Variants in PHF14 observed in about 807,000 individuals in gnomAD.
PHF14 encodes PHD finger protein 14.
In PHF14, 55 loss-of-function variants were observed where a neutral mutation model predicts 117.9. The observed-to-expected ratio is 0.47, with a 90% CI of 0.38 to 0.58. PHF14 has a LOEUF of 0.58. PHF14 is among the 20% of genes least tolerant of loss of function. The pLI is 0.00. For missense variants in PHF14, 978 were observed against 1,122.2 expected (o/e 0.87, Z 1.84); for synonymous variants, 409 against 368.6 (o/e 1.11, Z -1.26).
chr7:11,148,440 T>A (rs1220108103), intron 17 of PHF14, among the ~76,000 whole-genome samples: 1 of 152,156 alleles, frequency 6.6e-6, no homozygotes, highest in Non-Finnish European at 1.5e-5. Flanking sequence ...AGTACATGAC[T>A]GTTTCCTTCA....
At chr7:11,100,913 C>A (rs552615190) in intron 16 of PHF14, among the ~76,000 whole-genome samples, 1 of 152,032 alleles carries the variant, frequency 6.6e-6, no homozygotes, top group African/African-American at 2.4e-5. Flanking sequence ...TCTTAACAGG[C>A]AATTCTAACT....
intron 2 of PHF14, among the ~76,000 whole-genome samples, chr7:10,982,169 A>C (rs112526356): frequency 1.4e-4 from 22 of 152,298 alleles, no homozygotes; most frequent in African/African-American, 5.1e-4. Flanking sequence ...TTAGCACTAT[A>C]CTGAACTAAA....
At chr7:11,082,367 A>C (rs1192605815) in intron 16 of PHF14, among the ~76,000 whole-genome samples, 1 of 152,206 alleles carries the variant, frequency 6.6e-6, no homozygotes, top group Non-Finnish European at 1.5e-5. Context: ...AGCAAACAAA[A>C]ACATCAATTT....
intron 16 of PHF14, among the ~76,000 whole-genome samples, chr7:11,075,564 G>GTTTTTTTTTT (rs3073111): frequency 2.7e-5 from 3 of 110,012 alleles, no homozygotes; most frequent in African/African-American, 3.3e-5. Context: ...AAGGAAAGAG[G>GTTTTTTTTTT]TTTTTTTTTT....
intron 16 of PHF14, chr7:11,107,054 G>A: frequency 1.0e-6 from 1 of 983,066 alleles, no homozygotes; most frequent in Non-Finnish European, 1.2e-6. Flanking sequence ...TGCATAGGAG[G>A]TGCACTTAAT....
Position 11,068,313 on chromosome 7 carries a change from G to A in PHF14, c.2654+6228G>A, listed in dbSNP as rs542888345. On this transcript the variant is annotated intron_variant, in intron 16 of 17. Coordinates refer to ENST00000634607, the MANE Select transcript of PHF14 (RefSeq NM_001007157.2). ...TGCAGTGAGCCAAGATCGCACCACTGCACTCCAGCCTGGGTGACAGAGCGA... is the reference window on the plus strand; with the variant it reads ...TGCAGTGAGCCAAGATCGCACCACTACACTCCAGCCTGGGTGACAGAGCGA... Among the ~76,000 whole-genome samples the A allele has an allele frequency of 1.3e-3, 170 of 127,082 alleles. 1 individual carries two copies. The South Asian group carries it at 0.027, about 20-fold the overall frequency. 83.4% of individuals were successfully genotyped at this position (127,082 alleles called of 152,430 possible).
At chr7:10,993,389 G>T (rs1418051599) in intron 4 of PHF14, among the ~76,000 whole-genome samples, 3 of 152,130 alleles carry the variant, frequency 2.0e-5, no homozygotes, top group African/African-American at 7.2e-5. Flanking sequence ...CTAATGCTCT[G>T]ATCTTCATGT....
At chr7:11,019,080 G>C (rs1340628049) in intron 5 of PHF14, among the ~76,000 whole-genome samples, 5 of 152,110 alleles carry the variant, frequency 3.3e-5, no homozygotes, top group Non-Finnish European at 7.4e-5. Context: ...GCAACCCAGG[G>C]ATAAATCCTA....
chr7:11,010,632 A>G (rs1783319407), intron 4 of PHF14, among the ~76,000 whole-genome samples: 1 of 152,076 alleles, frequency 6.6e-6, no homozygotes, highest in South Asian at 2.1e-4. Flanking sequence ...AAATCCATAT[A>G]TACATATATA....
At chr7:10,978,777 A>G (rs926222494) in intron 2 of PHF14, among the ~76,000 whole-genome samples, 7 of 152,010 alleles carry the variant, frequency 4.6e-5, no homozygotes, top group Non-Finnish European at 8.8e-5. Flanking sequence ...TGTGGCAACT[A>G]TTGTTTCCAG....
intron 2 of PHF14, among the ~76,000 whole-genome samples, chr7:10,977,103 T>C (rs1429262824): frequency 6.6e-6 from 1 of 152,046 alleles, no homozygotes; most frequent in Non-Finnish European, 1.5e-5. Flanking sequence ...TTGAATCTTT[T>C]CTGTGCCTGA....
intron 16 of PHF14, chr7:11,106,093 ACC>A: frequency 1.0e-6 from 1 of 983,888 alleles, no homozygotes; most frequent in East Asian, 1.1e-4. Flanking sequence ...GAGTTGCTTG[ACC>A]TTATTGTGTA....
chr7:11,161,845 GA>G (rs1789044407), intron 17 of PHF14, among the ~76,000 whole-genome samples: 1 of 149,696 alleles, frequency 6.7e-6, no homozygotes, highest in Non-Finnish European at 1.5e-5. Flanking sequence ...ATAAATGAAG[GA>G]AAGTTACCAA....
chr7:11,002,909 A>G (rs1477943939), intron 4 of PHF14, among the ~76,000 whole-genome samples: 1 of 151,890 alleles, frequency 6.6e-6, no homozygotes, highest in African/African-American at 2.4e-5. Flanking sequence ...GAGATGTGCC[A>G]CCTCTTGCTC....
chr7:11,156,576 C>T (rs1201032314), intron 17 of PHF14, among the ~76,000 whole-genome samples: 1 of 152,104 alleles, frequency 6.6e-6, no homozygotes, highest in Non-Finnish European at 1.5e-5. Context: ...GGCGGATCAC[C>T]TAAGGTCGGG....
intron 17 of PHF14, among the ~76,000 whole-genome samples, chr7:11,152,522 T>C (rs2128354390): frequency 1.3e-5 from 2 of 152,302 alleles, no homozygotes; most frequent in Middle Eastern, 6.8e-3. Flanking sequence ...GTCAAAATTA[T>C]TATTTACTTG....
intron 17 of PHF14, among the ~76,000 whole-genome samples, chr7:11,135,397 A>G (rs1788191289): frequency 6.6e-6 from 1 of 152,164 alleles, no homozygotes; most frequent in Non-Finnish European, 1.5e-5. Context: ...GATAAAGGTG[A>G]AAAATATATT....
At chr7:11,043,797 C>T (rs1784574518) in intron 13 of PHF14, among the ~76,000 whole-genome samples, 1 of 151,986 alleles carries the variant, frequency 6.6e-6, no homozygotes, top group Non-Finnish European at 1.5e-5. Context: ...ATATTCAAAT[C>T]CCAACAATGT....
At chr7:11,104,833 A>C (rs1562468518) in intron 16 of PHF14, 14 of 803,806 alleles carry the variant, frequency 1.7e-5, no homozygotes, top group Non-Finnish European at 2.1e-5. Context: ...TGCTGATGCT[A>C]CTGGCCTGGA....
Sources: gnomAD v4.1 joint callset for allele counts (sites outside exome capture counted in the v4.1 genomes callset) on GRCh38, gnomAD v4.1.1 for gene constraint, MANE v1.5 for transcripts, NCBI Gene and HGNC (gene_info 2026-07-23, HGNC 2026-07-21) for gene names.